Variants in ADAM7 observed in about 807,000 individuals in gnomAD.
The protein encoded by ADAM7 is disintegrin and metalloproteinase domain-containing protein 7.
In ADAM7, 97 loss-of-function variants were observed where a neutral mutation model predicts 102.9. That is an observed-to-expected ratio of 0.94 (90% CI 0.80 to 1.12). The LOEUF (loss-of-function observed/expected upper bound fraction) is 1.12, where lower values mean the gene tolerates loss of function less well. Among genes scored for constraint, ADAM7 ranks in the 50% most tolerant of loss-of-function variants. ADAM7 has a pLI of 0.00. For synonymous variants in ADAM7, 334 were observed against 304.4 expected, an observed-to-expected ratio of 1.10 and a Z score of -1.01; for missense variants, 991 against 908.7, an observed-to-expected ratio of 1.09 and a Z score of -1.16.
intron 16 of ADAM7, among the ~76,000 whole-genome samples, chr8:24,494,259 A>G (rs902837118): frequency 6.6e-6 from 1 of 152,246 alleles, no homozygotes; most frequent in Non-Finnish European, 1.5e-5. Context: ...TATATATTTA[A>G]CTATCCTACT....
At chr8:24,461,250 C>T (rs1031502935) in intron 3 of ADAM7, among the ~76,000 whole-genome samples, 2 of 151,998 alleles carry the variant, frequency 1.3e-5, no homozygotes, top group African/African-American at 4.8e-5. Context: ...CCTCAGCCTC[C>T]CAAAGTGTTC....
intron 16 of ADAM7, among the ~76,000 whole-genome samples, chr8:24,497,933 C>T (rs192393358): frequency 6.6e-6 from 1 of 151,928 alleles, no homozygotes. Flanking sequence ...ATTGTTGGGA[C>T]CCTAAAACTA....
rs1008765072 is a variant in ADAM7 at position 24,447,762 on chromosome 8, G to T, written c.233+500G>T. Among the ~76,000 whole-genome samples the T allele has an allele frequency of 3.9e-5, 6 of 152,072 alleles. No homozygotes were observed. The East Asian group carries it at 1.2e-3, about 29-fold the overall frequency. ...GGCTTTCTTCAAAAGAATGTCTATT[G>T]TTGCCGCTGTTTAAGTTTCATTGTT... On this transcript the variant is annotated intron_variant, in intron 3 of 21. Transcript: ENST00000175238.
In ADAM7 at chr8:24,466,750, T is replaced by C. The variant is rs1325931584; in HGVS notation, c.390-49T>C. The C allele has an allele frequency of 3.9e-6, 6 of 1,538,030 alleles. No individual in the cohort carries two copies. In the South Asian group the frequency reaches 6.0e-5, roughly 15 times the overall value. ...AAAAGGCAAAGTCAATACAATGAAA[T>C]AGAGTAATTATAGGCCTTGAATACA... is the stretch of plus-strand genomic sequence containing the variant. On this transcript the variant is annotated intron_variant, in intron 5 of 21. Transcript: ENST00000175238.
At chr8:24,453,256 G>C (rs1194502927) in intron 3 of ADAM7, among the ~76,000 whole-genome samples, 1 of 151,788 alleles carries the variant, frequency 6.6e-6, no homozygotes, top group Non-Finnish European at 1.5e-5. Flanking sequence ...TTTCCAACTT[G>C]GTTCCATTCT....
Position 24,508,608 on chromosome 8 carries a change from T to C in ADAM7, c.*62T>C. 1 of 1,612,738 alleles carries C rather than the reference T, an allele frequency of 6.2e-7. No individual in the cohort carries two copies. Among genetic ancestry groups the C allele is most frequent in the Non-Finnish European group, 8.5e-7 (1 of 1,179,238 alleles). On this transcript the variant is annotated 3_prime_UTR_variant, in exon 22 of 22. Coordinates refer to ENST00000175238, the MANE Select transcript of ADAM7 (RefSeq NM_003817.4). ...TAGGCTGGGGATTCTGGATGCAACG[T>C]CTTTACAACCTTACCTAGATATCTG...
chr8:24,496,763 T>G (rs1191443679), intron 16 of ADAM7, among the ~76,000 whole-genome samples: 1 of 152,202 alleles, frequency 6.6e-6, no homozygotes, highest in Admixed American at 6.5e-5. Context: ...TGTACCCCCA[T>G]TGTGTCCAGA....
In ADAM7 at chr8:24,454,398, G is replaced by A. The variant is rs181545367; in HGVS notation, c.233+7136G>A. The stretch of plus-strand genomic sequence containing the variant: ...CAGCCTCGCTGCCGCCTTGCAGTTT[G>A]ATCTCAGACTGCTGTGCTAGCAATC... On this transcript the variant is annotated intron_variant, in intron 3 of 21. Coordinates refer to ENST00000175238, the MANE Select transcript of ADAM7 (RefSeq NM_003817.4). 6.5e-3 allele frequency among the ~76,000 whole-genome samples: 993 copies of A among 152,320 alleles called. 10 individuals are homozygous for A. Among genetic ancestry groups the A allele is most frequent in the Admixed American group, 0.012 (184 of 15,298 alleles).
In ADAM7 at chr8:24,485,498, C is replaced by G. The variant is rs1585903764; in HGVS notation, c.960+137C>G. 2.7e-5 allele frequency: 17 copies of G among 631,454 alleles called. No homozygotes were observed. In the East Asian group the frequency reaches 5.3e-4, roughly 20 times the overall value. The allele number at this position is 631,454 out of a possible 1,614,324, so 39.1% of individuals were successfully genotyped here. On this transcript the variant is annotated intron_variant, in intron 10 of 21. Coordinates refer to ENST00000175238, the MANE Select transcript of ADAM7 (RefSeq NM_003817.4). ...GATATGTCATGAACAGACTGTTATG[C>G]TTCCTTTATTAAATGAATAAAAATG... is the stretch of plus-strand genomic sequence containing the variant.
rs1821029000 is a variant in ADAM7 at position 24,508,631 on chromosome 8, C to G, written c.*85C>G. On this transcript the variant is annotated 3_prime_UTR_variant, in exon 22 of 22. Transcript: ENST00000175238. The stretch of plus-strand genomic sequence containing the variant: ...CGTCTTTACAACCTTACCTAGATAT[C>G]TGCTACTCACATTTTTGGTAGTGTT... 2 of 1,599,032 alleles carry G rather than the reference C, an allele frequency of 1.3e-6. No individual in the cohort carries two copies. The highest frequency in any genetic ancestry group is 1.7e-5 in the Admixed American group (1 of 58,506).
chr8:24,487,087 T>C (rs1585905931), intron 10 of ADAM7, 100 bp from the exon 11 acceptor site: 6 of 1,257,880 alleles, frequency 4.8e-6, no homozygotes, highest in Non-Finnish European at 6.5e-6. Context: ...ACCAGTTAAC[T>C]AGGAGCTAGA....
At chr8:24,475,724 A>G (rs1819746850) in intron 7 of ADAM7, among the ~76,000 whole-genome samples, 1 of 152,100 alleles carries the variant, frequency 6.6e-6, no homozygotes, top group Non-Finnish European at 1.5e-5. Flanking sequence ...TTAATTTCTT[A>G]TTTTTATTAT....
chr8:24,462,381 T>C lies in ADAM7; in HGVS notation c.234-1501T>C, dbSNP rs570785640. Among the ~76,000 whole-genome samples, 13 of 152,352 alleles carry C rather than the reference T, an allele frequency of 8.5e-5. No homozygotes were observed. The South Asian group carries it at 2.7e-3, about 32-fold the overall frequency. ...TGTGATTACTCCAAACTCTGTTATA[T>C]GGCTTTTCAAATAAGAACAACTGTG... On this transcript the variant is annotated intron_variant, in intron 3 of 21. Coordinates refer to ENST00000175238, the MANE Select transcript of ADAM7 (RefSeq NM_003817.4).
chr8:24,499,156 C>T (rs1285043112), intron 16 of ADAM7, 80 bp from the exon 17 acceptor site: 7 of 1,093,704 alleles, frequency 6.4e-6, no homozygotes, highest in Admixed American at 2.4e-5. Flanking sequence ...AAATTGTGCA[C>T]TTCACATGCA....
Position 24,499,977 on chromosome 8 carries a change from C to G in ADAM7, c.1924-201C>G, listed in dbSNP as rs142512078. ...CATTCTCTTATTCACAGGCCGTTTT[C>G]AAAGATGGCTGCTTCTTGTATTTTG... On this transcript the variant is annotated intron_variant, in intron 17 of 21. Coordinates refer to ENST00000175238, the MANE Select transcript of ADAM7 (RefSeq NM_003817.4). Among the ~76,000 whole-genome samples, 3 of 152,206 alleles carry G rather than the reference C, an allele frequency of 2.0e-5. No homozygotes were observed. The East Asian group carries it at 5.8e-4, about 29-fold the overall frequency.
intron 10 of ADAM7, among the ~76,000 whole-genome samples, chr8:24,486,737 A>G (rs921648037): frequency 2.0e-5 from 3 of 152,134 alleles, no homozygotes; most frequent in Non-Finnish European, 4.4e-5. Flanking sequence ...CCTCTTTTAT[A>G]AGGGCATTAA....
At chr8:24,477,569 A>AGTGTGTGAGAGTGTGTGT (rs60219377) in intron 8 of ADAM7, among the ~76,000 whole-genome samples, 1 of 145,570 alleles carries the variant, frequency 6.9e-6, no homozygotes, top group Non-Finnish European at 1.5e-5. Flanking sequence ...TACCCTCATC[A>AGTGTGTGAGAGTGTGTGT]GTGTGTGTGT....
Position 24,447,172 on chromosome 8 carries a change from C to A in ADAM7, c.157-14C>A, listed in dbSNP as rs1377421209. On this transcript the variant is annotated splice_polypyrimidine_tract_variant and intron_variant, in intron 2 of 21. Coordinates refer to ENST00000175238, the MANE Select transcript of ADAM7 (RefSeq NM_003817.4). ...AGCCCATGTTGAAGTCACGTGATGCCTCTTCTTTTTTAGAAAACGTATGAA... is the reference window on the plus strand; with the variant it reads ...AGCCCATGTTGAAGTCACGTGATGCATCTTCTTTTTTAGAAAACGTATGAA... 1 of 1,502,222 alleles carries A rather than the reference C, an allele frequency of 6.7e-7. No individual in the cohort carries two copies. Among genetic ancestry groups the A allele is most frequent in the Non-Finnish European group, 9.1e-7 (1 of 1,095,850 alleles). The allele number at this position is 1,502,222 out of a possible 1,614,324, so 93.1% of individuals were successfully genotyped here. A position where few individuals can be genotyped will look rare whatever the true frequency, so the allele number is the denominator to read the frequency against.
intron 16 of ADAM7, among the ~76,000 whole-genome samples, chr8:24,498,964 A>C (rs1820651784): frequency 6.6e-6 from 1 of 152,062 alleles, no homozygotes; most frequent in South Asian, 2.1e-4. Context: ...TCAGAACATA[A>C]ACATTTTAAT....
Sources: allele counts gnomAD v4.1 joint callset (sites outside exome capture counted in the v4.1 genomes callset), GRCh38; gene constraint gnomAD v4.1.1; transcripts MANE v1.5; gene names NCBI Gene and HGNC (gene_info 2026-07-23, HGNC 2026-07-21).